Variants in POLRMT observed in about 807,000 individuals in gnomAD.
The protein encoded by POLRMT is RNA polymerase mitochondrial.
POLRMT carries 114 observed loss-of-function variants against 132.2 expected under a neutral mutation model. The ratio of observed to expected loss-of-function variants is 0.86; its 90% CI spans 0.74 to 1.01. The LOEUF (loss-of-function observed/expected upper bound fraction) is 1.01, where lower values mean the gene tolerates loss of function less well. Ranked by LOEUF, POLRMT falls within the 50% of genes least tolerant of loss-of-function variation. POLRMT has a pLI of 0.00. For synonymous variants in POLRMT, 1,020 were observed against 773.4 expected, an observed-to-expected ratio of 1.32 and a Z score of -5.29; for missense variants, 2,003 against 1,729.1, an observed-to-expected ratio of 1.16 and a Z score of -2.81.
chr19:631,430 G>A (rs1012365629), intron 2 of POLRMT, among the ~76,000 whole-genome samples: 2 of 151,766 alleles, frequency 1.3e-5, no homozygotes. Context: ...ACGAGGTCAG[G>A]AGATCAAGAC....
intron 2 of POLRMT, among the ~76,000 whole-genome samples, chr19:631,793 G>A (rs376890595): frequency 1.9e-4 from 29 of 152,312 alleles, no homozygotes; most frequent in South Asian, 1.0e-3. Flanking sequence ...CCAGGCTAGA[G>A]TGCAATGGCA....
At chr19:622,542 C>A in intron 8 of POLRMT, 40 bp downstream of exon 8, 1 of 1,555,798 alleles carries the variant, frequency 6.4e-7, no homozygotes, top group Middle Eastern at 2.3e-4. Context: ...GCCCACCCAC[C>A]ACTGGCCCCA....
chr19:626,437 A>C (rs1197864650), intron 3 of POLRMT, among the ~76,000 whole-genome samples: 1 of 147,780 alleles, frequency 6.8e-6, no homozygotes, highest in African/African-American at 2.5e-5. Flanking sequence ...TACAGGTGTG[A>C]GCCACCACGC....
At position 623,645 on chromosome 19, in the gene POLRMT, G is replaced by A. The variant is rs748990767; in HGVS notation, c.1141-42C>T. The A allele has an allele frequency of 5.0e-6, 8 of 1,602,360 alleles. No individual in the cohort carries two copies. In the South Asian group the frequency reaches 8.8e-5, roughly 18 times the overall value. ...AGTGAGGTTGGGGGCTTGCCAGAGGGCGACCTGCCCTCCCAGGACCCCGAG... is the reference window on the plus strand; with the variant it reads ...AGTGAGGTTGGGGGCTTGCCAGAGGACGACCTGCCCTCCCAGGACCCCGAG... On this transcript the variant is annotated intron_variant, in intron 5 of 20. Coordinates refer to ENST00000588649, the MANE Select transcript of POLRMT (RefSeq NM_005035.4).
intron 3 of POLRMT, among the ~76,000 whole-genome samples, chr19:627,088 A>C (rs1440197556): frequency 6.6e-6 from 1 of 151,728 alleles, no homozygotes; most frequent in Non-Finnish European, 1.5e-5. Flanking sequence ...CCTGCAGCTG[A>C]AGACATGCTG....
chr19:623,100 T>C, intron 6 of POLRMT, 115 bp from the exon 7 acceptor site: 1 of 1,311,768 alleles, frequency 7.6e-7, no homozygotes, highest in South Asian at 1.5e-5. Flanking sequence ...AGGTCCCTGC[T>C]GTGTGTTCCG....
At chr19:618,136 G>C (rs1487802323) in intron 17 of POLRMT, 1 of 566,474 alleles carries the variant, frequency 1.8e-6, no homozygotes, top group African/African-American at 1.9e-5. Context: ...CTCCTGCCAG[G>C]GCCACCACCC....
In POLRMT at chr19:623,610, G is replaced by A; in HGVS notation, c.1141-7C>T. ...GGTAGGACACACGCCCATCCTGCAGGGATGGGGGTAGTGAGGTTGGGGGCT... is the reference window on the plus strand; with the variant it reads ...GGTAGGACACACGCCCATCCTGCAGAGATGGGGGTAGTGAGGTTGGGGGCT... On this transcript the variant is annotated splice_polypyrimidine_tract_variant and splice_region_variant and intron_variant, in intron 5 of 20. Coordinates refer to ENST00000588649, the MANE Select transcript of POLRMT (RefSeq NM_005035.4). The A allele has an allele frequency of 1.9e-6, 3 of 1,613,292 alleles. No homozygotes were observed. The highest frequency in any genetic ancestry group is 8.5e-7 in the Non-Finnish European group (1 of 1,179,772).
intron 2 of POLRMT, among the ~76,000 whole-genome samples, chr19:631,319 C>A (rs1299879726): frequency 2.1e-5 from 3 of 143,528 alleles, no homozygotes; most frequent in Non-Finnish European, 4.5e-5. Flanking sequence ...CAGAGCAGGA[C>A]CCTGTCTCAA....
chr19:620,998 G>C, intron 10 of POLRMT, 60 bp downstream of exon 10: 1 of 1,292,994 alleles, frequency 7.7e-7, no homozygotes, highest in Non-Finnish European at 1.0e-6. Context: ...GGGCGCGGGG[G>C]CGCCGGGGGA....
In POLRMT at chr19:620,446, C is replaced by G; in HGVS notation, c.2682G>C (p.Thr894=). 2 of 1,599,660 alleles carry G rather than the reference C, an allele frequency of 1.3e-6. No homozygotes were observed. Among genetic ancestry groups the G allele is most frequent in the Non-Finnish European group, 1.7e-6 (2 of 1,173,398 alleles). ...TCGCCACCTCCATACAGCAGGCCAG[C>G]GTCTGCCAGGGTTCCTCCGCGCCCA... ...WWMGAEEPWQ[T]LACCMEVANA... is the part of the protein sequence containing the mutation. Residue 894 remains threonine (T), a synonymous_variant, in exon 11 of 21, where the codon ACG becomes ACC. Transcript: ENST00000588649.
In POLRMT at chr19:629,945, C is replaced by T; in HGVS notation, c.417G>A (p.Arg139=). 1 of 1,613,770 alleles carries T rather than the reference C, an allele frequency of 6.2e-7. No individual in the cohort carries two copies. Among genetic ancestry groups the T allele is most frequent in the Non-Finnish European group, 8.5e-7 (1 of 1,180,024 alleles). ...DKRTQQMRMQ[R]LKAKLQMPFQ... ...ATGGCATCTGCAGCTTCGCCTTCAACCGCTGCATACGCATCTGCTGGGTCC... is the reference window on the plus strand; with the variant it reads ...ATGGCATCTGCAGCTTCGCCTTCAATCGCTGCATACGCATCTGCTGGGTCC... Residue 139 remains arginine (R), a synonymous_variant, in exon 3 of 21, where the codon CGG becomes CGA. Coordinates refer to ENST00000588649, the MANE Select transcript of POLRMT (RefSeq NM_005035.4).
In POLRMT at chr19:633,123, G is replaced by A. The variant is rs1985550648; in HGVS notation, c.89-185C>T. On this transcript the variant is annotated intron_variant, in intron 1 of 20. Coordinates refer to ENST00000588649, the MANE Select transcript of POLRMT (RefSeq NM_005035.4). ...GAAGGGCCCCGCCGCGGCGAACACG[G>A]GCGCGGAACCGCCGAGAGAGGGTTC... 9.8e-6 allele frequency: 6 copies of A among 613,782 alleles called. No homozygotes were observed. In the East Asian group the frequency reaches 1.7e-4, roughly 17 times the overall value. 38.0% of individuals were successfully genotyped at this position (613,782 alleles called of 1,614,324 possible). A position where few individuals can be genotyped will look rare whatever the true frequency, so the allele number is the denominator to read the frequency against.
chr19:626,476 G>A (rs1985020832), intron 3 of POLRMT, among the ~76,000 whole-genome samples: 1 of 147,878 alleles, frequency 6.8e-6, no homozygotes, highest in Admixed American at 6.7e-5. Context: ...AATATCCCCT[G>A]CAATTTTTTT....
chr19:621,349 G>A lies in POLRMT; in HGVS notation c.2349C>T (p.Leu783=), dbSNP rs540083624. ...HSLRAEALYR[L]SLAQHLRDRV... The stretch of plus-strand genomic sequence containing the variant: ...GGTCCCGCAGGTGCTGCGCCAGCGA[G>A]AGGCGGTACAGCGCCTCCGCCCGCA... Residue 783 remains leucine, a synonymous_variant, in exon 10 of 21, where the codon CTC becomes CTT. Transcript: ENST00000588649. The A allele has an allele frequency of 3.6e-5, 57 of 1,583,334 alleles. 1 individual carries two copies. The South Asian group carries it at 5.1e-4, about 14-fold the overall frequency.
intron 3 of POLRMT, among the ~76,000 whole-genome samples, chr19:628,586 A>C (rs1333479669): frequency 6.6e-6 from 1 of 152,322 alleles, no homozygotes; most frequent in South Asian, 2.1e-4. Flanking sequence ...CCAAATATTA[A>C]GAGAAGCTTT....
In POLRMT at chr19:621,341, G is replaced by A. The variant is rs751158506; in HGVS notation, c.2357C>T (p.Ala786Val). The A allele has an allele frequency of 3.8e-6, 6 of 1,586,790 alleles. No homozygotes were observed. The highest frequency in any genetic ancestry group is 1.1e-5 in the South Asian group (1 of 89,636). ...GAAGACGCGGTCCCGCAGGTGCTGCGCCAGCGAGAGGCGGTACAGCGCCTC... is the reference window on the plus strand; with the variant it reads ...GAAGACGCGGTCCCGCAGGTGCTGCACCAGCGAGAGGCGGTACAGCGCCTC... ...RAEALYRLSL[A>V]QHLRDRVFWL... Residue 786 changes from alanine to valine, a missense_variant, in exon 10 of 21, where the codon GCG becomes GTG. Physicochemically the swap from Ala to Val is moderately conservative, Grantham distance 64. Transcript: ENST00000588649.
At chr19:620,118 G>C in intron 11 of POLRMT, 38 bp from the exon 12 acceptor site, 2 of 1,533,574 alleles carry the variant, frequency 1.3e-6, no homozygotes, top group Non-Finnish European at 8.7e-7. Context: ...GGAAGCTAGA[G>C]AGGCAGAGAC....
chr19:619,150 C>G (rs756627930), intron 14 of POLRMT, 40 bp from the exon 15 acceptor site: 6 of 1,610,224 alleles, frequency 3.7e-6, no homozygotes, highest in Non-Finnish European at 5.1e-6. Context: ...GGGCTCAGGC[C>G]GGGGATCCCG....
Sources: gnomAD v4.1 joint callset for allele counts (sites outside exome capture counted in the v4.1 genomes callset) on GRCh38, gnomAD v4.1.1 for gene constraint, MANE v1.5 for transcripts, NCBI Gene and HGNC (gene_info 2026-07-23, HGNC 2026-07-21) for gene names.